The following ZNF672 variants were observed in gnomAD, a reference collection of about 807,000 sequenced individuals.
The protein encoded by ZNF672 is hypothetical protein FLJ22301.
For synonymous variants in ZNF672, 358 were observed against 305.6 expected (o/e 1.17, Z -1.79); for missense variants, 733 against 701.1 (o/e 1.05, Z -0.51).
intron 1 of ZNF672, among the ~76,000 whole-genome samples, chr1:248,842,226 C>A (rs1434705121): frequency 6.6e-6 from 1 of 152,106 alleles, no homozygotes; most frequent in Non-Finnish European, 1.5e-5. Flanking sequence ...ATGCTCCTTC[C>A]AGCTTCAGAT....
chr1:248,842,617 G>C (rs1364317314), intron 1 of ZNF672: 1 of 152,174 alleles, frequency 6.6e-6, no homozygotes, highest in African/African-American at 2.4e-5. Flanking sequence ...GGAATTGTAA[G>C]TGGCAAGGCC....
At chr1:248,846,198 A>G (rs142240382) in intron 3 of ZNF672, among the ~76,000 whole-genome samples, 3 of 152,362 alleles carry the variant, frequency 2.0e-5, no homozygotes, top group East Asian at 3.9e-4. Context: ...CAGATTCATC[A>G]TATTCAAACC....
rs1270374831 is a variant in ZNF672 at position 248,847,402 on chromosome 1, G to C, written c.128G>C (p.Arg43Pro). ...GCTCACGGCGGTGACGGCCGCTTCCGTTGCCTAGAATGCGGTGAGCGCTGT... is the reference window on the plus strand; with the variant it reads ...GCTCACGGCGGTGACGGCCGCTTCCCTTGCCTAGAATGCGGTGAGCGCTGT... ...ERAHGGDGRF[R>P]CLECGERCAR... Residue 43 changes from arginine to proline, a missense_variant, in exon 4 of 4, where the codon CGT becomes CCT. By Grantham distance (103) the Arg-to-Pro change is moderately radical. Coordinates refer to ENST00000306562, the MANE Select transcript of ZNF672 (RefSeq NM_024836.3). 2 of 1,599,558 alleles carry C rather than the reference G, an allele frequency of 1.3e-6. No individual in the cohort carries two copies.
chr1:248,844,822 T>C (rs1664731877), intron 2 of ZNF672, among the ~76,000 whole-genome samples, 186 bp downstream of exon 2: 1 of 152,230 alleles, frequency 6.6e-6, no homozygotes. Flanking sequence ...TGAGCATTGC[T>C]TTCTTTGGCA....
intron 1 of ZNF672, among the ~76,000 whole-genome samples, chr1:248,840,238 G>A (rs1441557940): frequency 6.6e-6 from 1 of 151,690 alleles, no homozygotes; most frequent in East Asian, 1.9e-4. Flanking sequence ...CTACAGGCGC[G>A]TGCCACCATG....
intron 1 of ZNF672, among the ~76,000 whole-genome samples, chr1:248,843,088 C>A (rs908465951): frequency 6.6e-6 from 1 of 152,092 alleles, no homozygotes; most frequent in Non-Finnish European, 1.5e-5. Flanking sequence ...AGGGGCGGGG[C>A]TGCCCTAGGG....
chr1:248,842,242 C>T (rs1349616816), intron 1 of ZNF672, among the ~76,000 whole-genome samples: 1 of 152,068 alleles, frequency 6.6e-6, no homozygotes, highest in Non-Finnish European at 1.5e-5. Flanking sequence ...CAGATTCAGT[C>T]GGACATGTCT....
chr1:248,843,021 G>A (rs1664703279), intron 1 of ZNF672, among the ~76,000 whole-genome samples: 3 of 152,148 alleles, frequency 2.0e-5, no homozygotes. Flanking sequence ...GAATTTCACA[G>A]CCAGGTCTGT....
At position 248,848,817 on chromosome 1, in the gene ZNF672, T is replaced by C. The variant is rs1241394891; in HGVS notation, c.*184T>C. On this transcript the variant is annotated 3_prime_UTR_variant, in exon 4 of 4. Transcript: ENST00000306562. ...TGCCTCGCCTCTACACCTACTACCC[T>C]GTCGGCCCTTTTGCCATGCTGTCCT... 5 of 900,688 alleles carry C rather than the reference T, an allele frequency of 5.6e-6. No individual in the cohort carries two copies. In the Admixed American group the frequency reaches 1.0e-4, roughly 18 times the overall value. The allele number at this position is 900,688 out of a possible 1,614,324, so 55.8% of individuals were successfully genotyped here. A position where few individuals can be genotyped will look rare whatever the true frequency, so the allele number is the denominator to read the frequency against.
Position 248,847,667 on chromosome 1 carries a change from GC to G in ZNF672, c.394del (p.Leu132CysfsTer83). The G allele has an allele frequency of 6.7e-7, 1 of 1,490,168 alleles. No homozygotes were observed. 92.3% of individuals were successfully genotyped at this position (1,490,168 alleles called of 1,614,324 possible). A position where few individuals can be genotyped will look rare whatever the true frequency, so the allele number is the denominator to read the frequency against. On this transcript the variant is annotated frameshift_variant, in exon 4 of 4. Coordinates refer to ENST00000306562, the MANE Select transcript of ZNF672 (RefSeq NM_024836.3). LOFTEE classifies it low-confidence loss of function (END_TRUNC). ...HLPERPRRCP[L>X]CARTFRQSAL... ...TGCCAGAGCGGCCCCGCCGCTGCCC[GC>G]TGTGCGCCCGCACCTTCCGGCAGAG...
chr1:248,848,125 C>G lies in ZNF672; in HGVS notation c.851C>G (p.Ala284Gly), dbSNP rs200477911. Residue 284 changes from alanine to glycine, a missense_variant, in exon 4 of 4, where the codon GCG (alanine) becomes GGG (glycine). By Grantham distance (60) the Ala-to-Gly change is moderately conservative. Transcript: ENST00000306562. ...RRSHQGERPH[A>G]CATCGKGFGQ... ...AGCCATCAGGGCGAGCGGCCACATG[C>G]GTGCGCCACTTGCGGCAAGGGTTTC... 1,735 of 1,562,154 alleles carry G rather than the reference C, an allele frequency of 1.1e-3. 23 individuals are homozygous for G. Among genetic ancestry groups the G allele is most frequent in the Admixed American group, 1.6e-3 (86 of 53,232 alleles).
chr1:248,847,768 GCGCGCAGTGC>G lies in ZNF672; in HGVS notation c.496_505del (p.Ala166ArgfsTer46). 6.6e-7 allele frequency: 1 copy of G among 1,516,670 alleles called. No individual in the cohort carries two copies. The highest frequency in any genetic ancestry group is 8.8e-7 in the Non-Finnish European group (1 of 1,133,544). 94.0% of individuals were successfully genotyped at this position (1,516,670 alleles called of 1,614,324 possible). A position where few individuals can be genotyped will look rare whatever the true frequency, so the allele number is the denominator to read the frequency against. On this transcript the variant is annotated frameshift_variant, in exon 4 of 4. Coordinates refer to ENST00000306562, the MANE Select transcript of ZNF672 (RefSeq NM_024836.3). LOFTEE classifies it low-confidence loss of function (END_TRUNC). ...GACCCTGCTGCCCCACCCCACCGCT[GCGCGCAGTGC>G]CCGCGAGCCTTCCGAAGCGGCGCCG...
In ZNF672 at chr1:248,848,501, G is replaced by A. The variant is rs1408914116; in HGVS notation, c.1227G>A (p.Ser409=). 2 of 1,603,312 alleles carry A rather than the reference G, an allele frequency of 1.2e-6. No individual in the cohort carries two copies. The highest frequency in any genetic ancestry group is 1.7e-6 in the Non-Finnish European group (2 of 1,174,902). ...GCAAGTGCTTCAGCCACAGCCGCTC[G>A]CTGTCACAGCATCAGCGGGCCCACA... ...ECGKCFSHSR[S]LSQHQRAHTR... The change falls in exon 4 of 4, where the codon TCG becomes TCA. Residue 409 remains serine (S), a synonymous_variant. Coordinates refer to ENST00000306562, the MANE Select transcript of ZNF672 (RefSeq NM_024836.3).
In ZNF672 at chr1:248,847,049, C is replaced by G; in HGVS notation, c.-223-3C>G. ...GAGGCTCACAATGACCTTCTCCCCA[C>G]AGGCTCACGGTGCAGGGTGAACCTG... On this transcript the variant is annotated splice_polypyrimidine_tract_variant and splice_region_variant and intron_variant, in intron 3 of 3. Transcript: ENST00000306562. The G allele has an allele frequency of 1.7e-6, 1 of 576,802 alleles. No individual in the cohort carries two copies. Among genetic ancestry groups the G allele is most frequent in the East Asian group, 2.9e-5 (1 of 34,538 alleles). The allele number at this position is 576,802 out of a possible 1,614,324, so 35.7% of individuals were successfully genotyped here. A position where few individuals can be genotyped will look rare whatever the true frequency, so the allele number is the denominator to read the frequency against.
chr1:248,847,721 G>T lies in ZNF672; in HGVS notation c.447G>T (p.Ala149=). The T allele has an allele frequency of 6.8e-7, 1 of 1,460,346 alleles. No homozygotes were observed. The highest frequency in any genetic ancestry group is 9.0e-7 in the Non-Finnish European group (1 of 1,110,292). The allele number at this position is 1,460,346 out of a possible 1,614,324, so 90.5% of individuals were successfully genotyped here. The change falls in exon 4 of 4, where the codon GCG becomes GCT. Residue 149 remains alanine (A), a synonymous_variant. Transcript: ENST00000306562. ...QSALLFHQAR[A]HPLGTTSDPA... The stretch of plus-strand genomic sequence containing the variant: ...CGCTGCTCTTCCACCAGGCGCGGGC[G>T]CACCCCTTGGGGACAACCTCTGACC...
Position 248,848,757 on chromosome 1 carries a change from T to G in ZNF672, c.*124T>G. 1 of 1,385,042 alleles carries G rather than the reference T, an allele frequency of 7.2e-7. No homozygotes were observed. Among genetic ancestry groups the G allele is most frequent in the Non-Finnish European group, 9.7e-7 (1 of 1,026,106 alleles). The allele number at this position is 1,385,042 out of a possible 1,614,324, so 85.8% of individuals were successfully genotyped here. Reference sequence around the variant, plus strand: ...AAAAGACGATGTGGCCTCCTACCTTTCCAGTTTCTGTTGGCAGCCCTTCAC... The same window carrying G: ...AAAAGACGATGTGGCCTCCTACCTTGCCAGTTTCTGTTGGCAGCCCTTCAC... On this transcript the variant is annotated 3_prime_UTR_variant, in exon 4 of 4. Coordinates refer to ENST00000306562, the MANE Select transcript of ZNF672 (RefSeq NM_024836.3).
chr1:248,848,018 A>C lies in ZNF672; in HGVS notation c.744A>C (p.Thr248=). 2 of 1,555,608 alleles carry C rather than the reference A, an allele frequency of 1.3e-6. No homozygotes were observed. The highest frequency in any genetic ancestry group is 8.7e-7 in the Non-Finnish European group (1 of 1,150,694). ...ESATLVRHQR[T]HTGEKPYACG... The stretch of plus-strand genomic sequence containing the variant: ...CCACGCTGGTGCGCCACCAGCGCAC[A>C]CACACGGGCGAGAAGCCGTACGCAT... Residue 248 remains threonine, a synonymous_variant, in exon 4 of 4, where the codon ACA becomes ACC. Coordinates refer to ENST00000306562, the MANE Select transcript of ZNF672 (RefSeq NM_024836.3).
Position 248,848,708 on chromosome 1 carries a change from G to A in ZNF672, c.*75G>A, listed in dbSNP as rs1294709269. On this transcript the variant is annotated 3_prime_UTR_variant, in exon 4 of 4. Coordinates refer to ENST00000306562, the MANE Select transcript of ZNF672 (RefSeq NM_024836.3). ...ATATAGTATCACGGGGACAGTTGAGGCAACTCGTAGATGGAGATTTGGGAA... is the reference window on the plus strand; with the variant it reads ...ATATAGTATCACGGGGACAGTTGAGACAACTCGTAGATGGAGATTTGGGAA... 5 of 1,487,684 alleles carry A rather than the reference G, an allele frequency of 3.4e-6. No individual in the cohort carries two copies. The African/African-American group carries it at 5.6e-5, about 17-fold the overall frequency. 92.2% of individuals were successfully genotyped at this position (1,487,684 alleles called of 1,614,324 possible). A position where few individuals can be genotyped will look rare whatever the true frequency, so the allele number is the denominator to read the frequency against.
Position 248,848,087 on chromosome 1 carries a change from G to A in ZNF672, c.813G>A (p.Leu271=). 6.5e-7 allele frequency: 1 copy of A among 1,547,986 alleles called. No individual in the cohort carries two copies. The highest frequency in any genetic ancestry group is 2.4e-5 in the East Asian group (1 of 41,160). The part of the protein sequence containing the change: ...GRCFSESSTL[L]RHRRSHQGER... ...GCTTCAGCGAGAGTTCCACGCTGCT[G>A]CGCCATCGGCGCAGCCATCAGGGCG... Residue 271 remains leucine, a synonymous_variant, in exon 4 of 4, where the codon CTG becomes CTA. Transcript: ENST00000306562.
Sources: gnomAD v4.1 joint callset for allele counts (sites outside exome capture counted in the v4.1 genomes callset) on GRCh38, gnomAD v4.1.1 for gene constraint, MANE v1.5 for transcripts, NCBI Gene and HGNC (gene_info 2026-07-23, HGNC 2026-07-21) for gene names.